SPI1: variants seen among roughly 807,000 people sequenced by gnomAD.
SPI1 encodes transcription factor PU.1.
In SPI1, 3 loss-of-function variants were observed where a neutral mutation model predicts 30.7. That is an observed-to-expected ratio of 0.10 (90% CI 0.04 to 0.25). The LOEUF is 0.25. Among genes scored for constraint, SPI1 ranks in the 10% least tolerant of loss-of-function variants. The pLI is 1.00. For missense variants in SPI1, 261 were observed against 371.5 expected, an observed-to-expected ratio of 0.70 and a Z score of 2.45; for synonymous variants, 169 against 157.1, an observed-to-expected ratio of 1.08 and a Z score of -0.56.
rs1278434767 is a variant in SPI1, at chr11:47,375,470, G to C, written c.142+163C>G. 6.6e-6 allele frequency among the ~76,000 whole-genome samples: 1 copy of C among 152,204 alleles called. No homozygotes were observed. The highest frequency in any genetic ancestry group is 6.5e-5 in the Admixed American group (1 of 15,290). On this transcript the variant is annotated intron_variant, in intron 2 of 4. Coordinates refer to ENST00000378538, the MANE Select transcript of SPI1 (RefSeq NM_003120.3). The surrounding 1 kb of genome is among the most constrained non-coding windows in gnomAD (Gnocchi z 4.2). ...CTCCATAATGGAGGCTCAGGTGTGG[G>C]GGTGCAGCGATGATGCTGCAGTTCA...
At chr11:47,369,559 AG>A (rs746665124) in intron 2 of SPI1, among the ~76,000 whole-genome samples, 9 of 8,374 alleles carry the variant, frequency 1.1e-3, no homozygotes, top group Non-Finnish European at 1.9e-3. Context: ...AGAGAGAGAG[AG>A]AAAAAAAAAA....
chr11:47,362,629 G>A (rs1211266037), intron 2 of SPI1, among the ~76,000 whole-genome samples: 2 of 139,178 alleles, frequency 1.4e-5, no homozygotes, highest in Non-Finnish European at 3.0e-5. Context: ...AAGCTGGAGT[G>A]CAGTGGCACG....
At chr11:47,355,930 A>C (rs2095907937) in intron 4 of SPI1, among the ~76,000 whole-genome samples, 1 of 148,100 alleles carries the variant, frequency 6.8e-6, no homozygotes, top group African/African-American at 2.5e-5. Context: ...TCTCACACCC[A>C]CTCACACTCA....
intron 2 of SPI1, among the ~76,000 whole-genome samples, chr11:47,364,895 G>A (rs1312368965): frequency 6.6e-6 from 1 of 152,190 alleles, no homozygotes; most frequent in Non-Finnish European, 1.5e-5. Context: ...ACCCAAGGAG[G>A]TTTTGTGCTC....
At chr11:47,358,713 A>G (rs1390783432) in intron 4 of SPI1, 131 bp downstream of exon 4, 4 of 925,544 alleles carry the variant, frequency 4.3e-6, no homozygotes, top group East Asian at 2.6e-5. Flanking sequence ...AAACACACAC[A>G]CTGGCAAACA....
At chr11:47,357,386 G>T (rs531708992) in intron 4 of SPI1, among the ~76,000 whole-genome samples, 183 of 151,566 alleles carry the variant, frequency 1.2e-3, no homozygotes, top group Non-Finnish European at 2.3e-3. Context: ...ACCTGCTCAC[G>T]CATGCACATA....
intron 2 of SPI1, among the ~76,000 whole-genome samples, chr11:47,371,832 C>T (rs970950862): frequency 1.3e-5 from 2 of 152,212 alleles, no homozygotes; most frequent in African/African-American, 2.4e-5. Flanking sequence ...CTTCGCCCTG[C>T]GTGAGCAGCT....
At chr11:47,378,165 C>T (rs939483740) in intron 1 of SPI1, 144 bp downstream of exon 1, 1 of 895,856 alleles carries the variant, frequency 1.1e-6, no homozygotes, top group Non-Finnish European at 1.8e-6. Context: ...CGCTGGGTCT[C>T]AGGCCAGGAG....
intron 2 of SPI1, among the ~76,000 whole-genome samples, chr11:47,370,175 A>G (rs553320825): frequency 6.6e-6 from 1 of 150,744 alleles, no homozygotes; most frequent in African/African-American, 2.4e-5. Flanking sequence ...GGCTGAGGCC[A>G]GTGGATCGCC....
intron 4 of SPI1, among the ~76,000 whole-genome samples, chr11:47,356,997 T>TAC (rs769133524): frequency 6.8e-6 from 1 of 146,112 alleles, no homozygotes; most frequent in Non-Finnish European, 1.5e-5. Context: ...CACCTATCCA[T>TAC]ACACACACTT....
In SPI1 at chr11:47,355,415, G is replaced by C; in HGVS notation, c.625C>G (p.Leu209Val). The change falls in exon 5 of 5, where the codon CTG becomes GTG. Residue 209 changes from leucine (L) to valine (V), a missense_variant. Physicochemically the swap from Leu to Val is conservative, Grantham distance 32 (BLOSUM62 1). This residue lies in a region of SPI1 where 43 missense variants were observed against 123.8 expected (regional missense o/e 0.35). Transcript: ENST00000378538. ...FQFSSKHKEALAHRWGIQKGN... is the reference protein window; with the variant it reads ...FQFSSKHKEAVAHRWGIQKGN... ...TTCTGGATGCCCCAGCGGTGCGCCA[G>C]CGCCTCCTTGTGCTTGGACGAGAAC... 6.2e-7 allele frequency: 1 copy of C among 1,613,878 alleles called. No homozygotes were observed. Among genetic ancestry groups the C allele is most frequent in the Non-Finnish European group, 8.5e-7 (1 of 1,179,796 alleles).
At position 47,375,987 on chromosome 11, in the gene SPI1, C is replaced by T. The variant is rs1439831018; in HGVS notation, c.46-258G>A. Among the ~76,000 whole-genome samples, 5 of 151,880 alleles carry T rather than the reference C, an allele frequency of 3.3e-5. No individual in the cohort carries two copies. Among genetic ancestry groups the T allele is most frequent in the African/African-American group, 9.7e-5 (4 of 41,280 alleles). Reference sequence around the variant, plus strand: ...CCTCTGCTGGGCTACTCCCCATAGCCACCTCACGCTCACACTCACACTCAC... The same window carrying T: ...CCTCTGCTGGGCTACTCCCCATAGCTACCTCACGCTCACACTCACACTCAC... On this transcript the variant is annotated intron_variant, in intron 1 of 4. Transcript: ENST00000378538. This position sits in a 1 kb window ranked among gnomAD's most constrained non-coding sequence, Gnocchi z 4.2.
At chr11:47,367,183 G>A (rs1012540995) in intron 2 of SPI1, among the ~76,000 whole-genome samples, 2 of 151,704 alleles carry the variant, frequency 1.3e-5, no homozygotes, top group East Asian at 1.9e-4. Context: ...GGATGAAGAA[G>A]TATATGGAAA....
rs918177259 is a variant in SPI1 at position 47,359,659 on chromosome 11, G to A, written c.330+194C>T. Among the ~76,000 whole-genome samples, 1 of 151,984 alleles carries A rather than the reference G, an allele frequency of 6.6e-6. No homozygotes were observed. The highest frequency in any genetic ancestry group is 1.5e-5 in the Non-Finnish European group (1 of 67,980). ...TGGGGTCTGTCCATACTCGGGGTGA[G>A]ATGAGATAAGGGGTGTGGGGTCATG... On this transcript the variant is annotated intron_variant, in intron 3 of 4. Coordinates refer to ENST00000378538, the MANE Select transcript of SPI1 (RefSeq NM_003120.3). This position sits in a 1 kb window ranked among gnomAD's most constrained non-coding sequence, Gnocchi z 5.1.
At chr11:47,377,600 A>C (rs1595865242) in intron 1 of SPI1, among the ~76,000 whole-genome samples, 1 of 149,558 alleles carries the variant, frequency 6.7e-6, no homozygotes, top group South Asian at 2.1e-4. Flanking sequence ...TCACATGCTC[A>C]CCCCAGGTCC....
intron 2 of SPI1, among the ~76,000 whole-genome samples, chr11:47,367,447 G>C (rs931506005): frequency 9.9e-5 from 15 of 151,630 alleles, no homozygotes; most frequent in African/African-American, 3.2e-4. Flanking sequence ...CCAGCTACTT[G>C]GGAGGCTAAG....
chr11:47,356,473 A>G (rs937434500), intron 4 of SPI1, among the ~76,000 whole-genome samples: 13 of 150,806 alleles, frequency 8.6e-5, no homozygotes, highest in African/African-American at 3.2e-4. Flanking sequence ...GCCCCCACAC[A>G]CGGTCACACC....
chr11:47,376,563 CT>C (rs1329802459), intron 1 of SPI1, among the ~76,000 whole-genome samples: 3 of 151,878 alleles, frequency 2.0e-5, no homozygotes, highest in Non-Finnish European at 2.9e-5. Flanking sequence ...CTGCATCCCC[CT>C]CCCCGTCTCC....
Position 47,374,795 on chromosome 11 carries a change from C to G in SPI1, c.142+838G>C, listed in dbSNP as rs1260664610. Among the ~76,000 whole-genome samples, 1 of 152,242 alleles carries G rather than the reference C, an allele frequency of 6.6e-6. No individual in the cohort carries two copies. The highest frequency in any genetic ancestry group is 2.4e-5 in the African/African-American group (1 of 41,460). On this transcript the variant is annotated intron_variant, in intron 2 of 4. Coordinates refer to ENST00000378538, the MANE Select transcript of SPI1 (RefSeq NM_003120.3). The surrounding 1 kb of genome is among the most constrained non-coding windows in gnomAD (Gnocchi z 4.5). ...GGCACCTAATGCCTCTCTCCCATCC[C>G]CTGAATTTGCTCCAGGACGGAGGCT...
Sources: gnomAD v4.1 joint callset for allele counts (sites outside exome capture counted in the v4.1 genomes callset) on GRCh38, gnomAD v4.1.1 for gene constraint, gnomAD v4.1.1 regional missense constraint, Gnocchi (gnomAD v3.1) non-coding constraint, MANE v1.5 for transcripts, NCBI Gene and HGNC (gene_info 2026-07-23, HGNC 2026-07-21) for gene names.